PLAG1: variants seen among roughly 807,000 people sequenced by gnomAD.
PLAG1 encodes PLAG1 zinc finger, also known as zinc finger protein PLAG1.
PLAG1 carries 7 observed loss-of-function variants against 35.5 expected under a neutral mutation model. The ratio of observed to expected loss-of-function variants is 0.20; its 90% CI spans 0.11 to 0.37. The LOEUF (loss-of-function observed/expected upper bound fraction) is 0.37, where lower values mean the gene tolerates loss of function less well. Ranked by LOEUF, PLAG1 falls within the 10% of genes least tolerant of loss-of-function variation. The pLI, the probability that PLAG1 is intolerant of heterozygous loss-of-function variation, is 1.00. For synonymous variants in PLAG1, 229 were observed against 225.4 expected (o/e 1.02, Z -0.14); for missense variants, 454 against 602.8 (o/e 0.75, Z 2.58).
At chr8:56,168,552 A>G (rs1168776144) in intron 3 of PLAG1, among the ~76,000 whole-genome samples, 166 bp from the exon 4 acceptor site, 1 of 152,210 alleles carries the variant, frequency 6.6e-6, no homozygotes, top group Non-Finnish European at 1.5e-5. Context: ...GTTTCTTTAT[A>G]TTTGTCAAAA....
chr8:56,162,372 T>A lies in PLAG1; in HGVS notation c.*3871A>T, dbSNP rs78551271. 173 of 176,102 alleles carry A rather than the reference T, an allele frequency of 9.8e-4. No homozygotes were observed. The highest frequency in any genetic ancestry group is 1.7e-3 in the Non-Finnish European group (137 of 79,890). 10.9% of individuals were successfully genotyped at this position (176,102 alleles called of 1,614,324 possible). A position where few individuals can be genotyped will look rare whatever the true frequency, so the allele number is the denominator to read the frequency against. On this transcript the variant is annotated 3_prime_UTR_variant, in exon 5 of 5. Coordinates refer to ENST00000316981, the MANE Select transcript of PLAG1 (RefSeq NM_002655.3). ...GAGACACGTAAACCTTGTAAAAAAA[T>A]AAACCATTGTAAAACCTTATGAAAA...
intron 2 of PLAG1, among the ~76,000 whole-genome samples, chr8:56,174,842 T>A (rs1442954677): frequency 7.2e-5 from 11 of 152,214 alleles, no homozygotes; most frequent in Non-Finnish European, 1.6e-4. Flanking sequence ...AACAACTATT[T>A]ACATAGTATT....
chr8:56,178,077 TACAG>T, intron 2 of PLAG1: 2 of 751,424 alleles, frequency 2.7e-6, no homozygotes, highest in Non-Finnish European at 3.1e-6. Context: ...CACATGGAAC[TACAG>T]GTTGATCATG....
At chr8:56,196,531 T>C (rs895121186) in intron 1 of PLAG1, among the ~76,000 whole-genome samples, 3 of 152,102 alleles carry the variant, frequency 2.0e-5, no homozygotes, top group Admixed American at 6.5e-5. Flanking sequence ...CTGACTGCCA[T>C]TCAGACCTGG....
chr8:56,187,590 G>A (rs7833986), intron 1 of PLAG1, among the ~76,000 whole-genome samples: 32,343 of 152,116 alleles, frequency 0.21, 3,802 homozygotes, highest in African/African-American at 0.31. Flanking sequence ...ATGCAAAGCT[G>A]TTATATTCAG....
chr8:56,185,701 T>C (rs1483258123), intron 1 of PLAG1, among the ~76,000 whole-genome samples: 2 of 152,218 alleles, frequency 1.3e-5, no homozygotes, highest in African/African-American at 4.8e-5. Flanking sequence ...GGTTCACCTG[T>C]TGCTTTATGG....
At position 56,162,265 on chromosome 8, in the gene PLAG1, G is replaced by T. The variant is rs1418901355; in HGVS notation, c.*3978C>A. On this transcript the variant is annotated 3_prime_UTR_variant, in exon 5 of 5. Transcript: ENST00000316981. ...AAACATTTAAAAGATCTCCTCCAATGTCACATGGATCTCAGTAGGCTAGAA... is the reference window on the plus strand; with the variant it reads ...AAACATTTAAAAGATCTCCTCCAATTTCACATGGATCTCAGTAGGCTAGAA... The T allele has an allele frequency of 4.4e-6, 1 of 228,336 alleles. No homozygotes were observed. The highest frequency in any genetic ancestry group is 8.7e-6 in the Non-Finnish European group (1 of 114,700). The allele number at this position is 228,336 out of a possible 1,614,324, so 14.1% of individuals were successfully genotyped here.
At chr8:56,199,938 T>C (rs1812501381) in intron 1 of PLAG1, among the ~76,000 whole-genome samples, 1 of 152,166 alleles carries the variant, frequency 6.6e-6, no homozygotes, top group African/African-American at 2.4e-5. Flanking sequence ...AGTGGGTTTA[T>C]ACCATGAAAG....
intron 1 of PLAG1, among the ~76,000 whole-genome samples, chr8:56,188,818 A>T (rs1812094381): frequency 6.6e-6 from 1 of 152,268 alleles, no homozygotes; most frequent in Non-Finnish European, 1.5e-5. Flanking sequence ...CATGGCTAAA[A>T]CAAAATTAGT....
At chr8:56,199,995 C>A (rs571412472) in intron 1 of PLAG1, among the ~76,000 whole-genome samples, 1 of 152,226 alleles carries the variant, frequency 6.6e-6, no homozygotes, top group South Asian at 2.1e-4. Flanking sequence ...GAATAAAACC[C>A]CTTCTGTGTG....
In PLAG1 at chr8:56,183,933, G is replaced by C. The variant is rs186752188; in HGVS notation, c.-321-4420C>G. Among the ~76,000 whole-genome samples, 483 of 152,122 alleles carry C rather than the reference G, an allele frequency of 3.2e-3. 6 individuals carry two copies. Among genetic ancestry groups the C allele is most frequent in the Non-Finnish European group, 5.0e-3 (341 of 67,996 alleles). ...CATTCATTTAGTCAAAAAGTCCTTG[G>C]TCACAACACCAAAAGCACAACCCAT... On this transcript the variant is annotated intron_variant, in intron 1 of 4. Coordinates refer to ENST00000316981, the MANE Select transcript of PLAG1 (RefSeq NM_002655.3).
At chr8:56,199,985 G>C (rs1485331515) in intron 1 of PLAG1, among the ~76,000 whole-genome samples, 2 of 152,148 alleles carry the variant, frequency 1.3e-5, no homozygotes, top group Non-Finnish European at 1.5e-5. Context: ...CCTCTCAACG[G>C]AATAAAACCC....
intron 2 of PLAG1, among the ~76,000 whole-genome samples, chr8:56,175,895 G>C (rs1811672825): frequency 6.6e-6 from 1 of 152,146 alleles, no homozygotes; most frequent in Admixed American, 6.6e-5. Context: ...TAGCCAGAGA[G>C]AATGAACAGA....
chr8:56,167,208 C>A lies in PLAG1; in HGVS notation c.538G>T (p.Val180Phe). 1 of 1,614,004 alleles carries A rather than the reference C, an allele frequency of 6.2e-7. No homozygotes were observed. Among genetic ancestry groups the A allele is most frequent in the African/African-American group, 1.3e-5 (1 of 75,028 alleles). ...KSHAGKSSGG[V>F]KEKKHQCEHC... is the part of the protein sequence containing the mutation. ...TCGCACTGGTGCTTTTTTTCTTTAA[C>A]CCCACCAGACGACTTGCCTGCATGA... The change falls in exon 5 of 5, where the codon GTT (valine) becomes TTT (phenylalanine). Residue 180 changes from valine to phenylalanine, a missense_variant. This residue lies in a region of PLAG1 where 170 missense variants were observed against 226.3 expected (regional missense o/e 0.75). Transcript: ENST00000316981. This position sits in a 1 kb window ranked among gnomAD's most constrained non-coding sequence, Gnocchi z 5.9.
rs1811265069 is a variant in PLAG1 at position 56,163,422 on chromosome 8, A to G, written c.*2821T>C. Reference sequence around the variant, plus strand: ...GTTAGAACATTGTGCAATTCAAATAAGCGAGTCTGCCTCATCTTTAATAGA... The same window carrying G: ...GTTAGAACATTGTGCAATTCAAATAGGCGAGTCTGCCTCATCTTTAATAGA... On this transcript the variant is annotated 3_prime_UTR_variant, in exon 5 of 5. Transcript: ENST00000316981. The G allele has an allele frequency of 1.0e-5, 2 of 198,474 alleles. No homozygotes were observed. The highest frequency in any genetic ancestry group is 2.1e-5 in the Non-Finnish European group (2 of 95,670). 12.3% of individuals were successfully genotyped at this position (198,474 alleles called of 1,614,324 possible).
chr8:56,195,534 G>C (rs1812334163), intron 1 of PLAG1, among the ~76,000 whole-genome samples: 1 of 152,226 alleles, frequency 6.6e-6, no homozygotes, highest in Non-Finnish European at 1.5e-5. Context: ...AGAACATGCA[G>C]AGGGCAGGTG....
Position 56,188,424 on chromosome 8 carries a change from C to T in PLAG1, c.-321-8911G>A, listed in dbSNP as rs141515499. Among the ~76,000 whole-genome samples, 1,176 of 152,294 alleles carry T rather than the reference C, an allele frequency of 7.7e-3. 10 individuals carry two copies. Among genetic ancestry groups the T allele is most frequent in the South Asian group, 0.024 (116 of 4,826 alleles). On this transcript the variant is annotated intron_variant, in intron 1 of 4. Coordinates refer to ENST00000316981, the MANE Select transcript of PLAG1 (RefSeq NM_002655.3). Reference sequence around the variant, plus strand: ...GATAGCTGATGCTTCTAAATTATTACGTGTATATTTTTCTTACACTCTTGT... The same window carrying T: ...GATAGCTGATGCTTCTAAATTATTATGTGTATATTTTTCTTACACTCTTGT...
chr8:56,210,104 C>T (rs935646265), intron 1 of PLAG1, among the ~76,000 whole-genome samples: 8 of 152,110 alleles, frequency 5.3e-5, no homozygotes, highest in Admixed American at 1.3e-4. Flanking sequence ...TTCACGTTTT[C>T]TCATTGTCGG....
In PLAG1 at chr8:56,162,133, T is replaced by G. The variant is rs1375330927; in HGVS notation, c.*4110A>C. 1 of 227,858 alleles carries G rather than the reference T, an allele frequency of 4.4e-6. No individual in the cohort carries two copies. Among genetic ancestry groups the G allele is most frequent in the African/African-American group, 2.2e-5 (1 of 45,022 alleles). The allele number at this position is 227,858 out of a possible 1,614,324, so 14.1% of individuals were successfully genotyped here. A position where few individuals can be genotyped will look rare whatever the true frequency, so the allele number is the denominator to read the frequency against. On this transcript the variant is annotated 3_prime_UTR_variant, in exon 5 of 5. Transcript: ENST00000316981. ...TCTATGTGATCACAACAGACTTATCTGTGTTGTAGACATGGCTGCTGACAC... is the reference window on the plus strand; with the variant it reads ...TCTATGTGATCACAACAGACTTATCGGTGTTGTAGACATGGCTGCTGACAC...
Sources: gnomAD v4.1 joint callset for allele counts (sites outside exome capture counted in the v4.1 genomes callset) on GRCh38, gnomAD v4.1.1 for gene constraint, gnomAD v4.1.1 regional missense constraint, Gnocchi (gnomAD v3.1) non-coding constraint, MANE v1.5 for transcripts, NCBI Gene and HGNC (gene_info 2026-07-23, HGNC 2026-07-21) for gene names.